The following ADAM22 variants were observed in gnomAD, a reference collection of about 807,000 sequenced individuals.
ADAM22 encodes the protein disintegrin and metalloproteinase domain-containing protein 22.
Under a neutral mutation model 144.6 loss-of-function variants are expected in ADAM22, and 65 were observed. The observed-to-expected ratio is 0.45, with a 90% CI of 0.37 to 0.55. The LOEUF is 0.55. Among genes scored for constraint, ADAM22 ranks in the 20% least tolerant of loss-of-function variants. ADAM22 has a pLI of 0.00. For synonymous variants in ADAM22, 391 were observed against 412.6 expected, an observed-to-expected ratio of 0.95 and a Z score of 0.63; for missense variants, 974 against 1,184.9, an observed-to-expected ratio of 0.82 and a Z score of 2.61.
intron 3 of ADAM22, among the ~76,000 whole-genome samples, chr7:88,007,032 T>C (rs967593411): frequency 1.1e-4 from 16 of 152,138 alleles, no homozygotes; most frequent in South Asian, 2.1e-4. Flanking sequence ...TCTCCTTAAG[T>C]TGTTAAGCAA....
intron 25 of ADAM22, chr7:88,168,439 A>G (rs763901099): frequency 4.6e-5 from 27 of 592,606 alleles, no homozygotes; most frequent in South Asian, 4.0e-4. Flanking sequence ...CTTCTATTGT[A>G]AAAGAACTGA....
intron 28 of ADAM22, 41 bp from the exon 29 acceptor site, chr7:88,181,917 C>T: frequency 6.4e-7 from 1 of 1,573,060 alleles, no homozygotes; most frequent in East Asian, 2.2e-5. Context: ...AGGGCAATCA[C>T]TTATTTACAT....
At chr7:88,090,438 G>A (rs1819562844) in intron 4 of ADAM22, among the ~76,000 whole-genome samples, 1 of 152,124 alleles carries the variant, frequency 6.6e-6, no homozygotes, top group Admixed American at 6.6e-5. Flanking sequence ...TAGGTGACTT[G>A]CAAAAATTTA....
chr7:88,124,684 C>T (rs1187431737), intron 7 of ADAM22, among the ~76,000 whole-genome samples: 1 of 151,932 alleles, frequency 6.6e-6, no homozygotes, highest in African/African-American at 2.4e-5. Flanking sequence ...TATTCCCTTT[C>T]TCAACAAATC....
chr7:87,946,969 G>A (rs1016081029), intron 2 of ADAM22, among the ~76,000 whole-genome samples: 3 of 152,234 alleles, frequency 2.0e-5, no homozygotes, highest in Admixed American at 2.0e-4. Flanking sequence ...ACCAAATACT[G>A]TATATTCTCA....
chr7:87,993,920 G>A (rs767826085), intron 3 of ADAM22, among the ~76,000 whole-genome samples: 3 of 152,076 alleles, frequency 2.0e-5, no homozygotes, highest in Non-Finnish European at 4.4e-5. Flanking sequence ...TTGAGCCCAT[G>A]AATTCATATT....
chr7:88,155,058 A>T (rs1365671827), intron 21 of ADAM22, among the ~76,000 whole-genome samples: 1 of 152,178 alleles, frequency 6.6e-6, no homozygotes, highest in Non-Finnish European at 1.5e-5. Context: ...ATCATATGTA[A>T]TAGTTGGGGA....
chr7:88,130,271 A>AG, intron 9 of ADAM22, 117 bp from the exon 10 acceptor site: 1 of 700,352 alleles, frequency 1.4e-6, no homozygotes, highest in South Asian at 2.1e-5. Context: ...TTTACAGAAA[A>AG]GATTTTTTTT....
At chr7:88,011,743 C>A (rs1033240813) in intron 3 of ADAM22, among the ~76,000 whole-genome samples, 1 of 151,354 alleles carries the variant, frequency 6.6e-6, no homozygotes, top group Non-Finnish European at 1.5e-5. Flanking sequence ...CGCCCCCCAC[C>A]CCCCAACCTT....
At chr7:88,195,604 C>T (rs1422338159) in intron 31 of ADAM22, among the ~76,000 whole-genome samples, 1 of 152,178 alleles carries the variant, frequency 6.6e-6, no homozygotes, top group Non-Finnish European at 1.5e-5. Context: ...CAAGCTCCGC[C>T]TCCCGGGTTC....
In ADAM22 at chr7:87,935,103, C is replaced by A. The variant is rs372922125; in HGVS notation, c.163C>A (p.Leu55Ile). 2 of 1,614,030 alleles carry A rather than the reference C, an allele frequency of 1.2e-6. No homozygotes were observed. The highest frequency in any genetic ancestry group is 2.2e-5 in the South Asian group (2 of 91,076). Residue 55 changes from leucine (L) to isoleucine (I), a missense_variant, in exon 2 of 32, where the codon CTC (leucine) becomes ATC (isoleucine). Physicochemically the swap from Leu to Ile is conservative, Grantham distance 5. This residue lies in a region of ADAM22 where 240 missense variants were observed against 234.3 expected (regional missense o/e 1.02). Transcript: ENST00000413139. ...VERQSIVPLR[L>I]IYRSGGEDES... ...GCGCCAGAGCATCGTGCCACTGCGC[C>A]TCATCTACCGCTCGGGCGGCGAAGA...
At chr7:88,100,783 G>T (rs1019594797) in intron 4 of ADAM22, among the ~76,000 whole-genome samples, 18 of 152,034 alleles carry the variant, frequency 1.2e-4, no homozygotes, top group African/African-American at 4.1e-4. Context: ...CTAAAGTGGT[G>T]GGATTACAGG....
chr7:87,981,926 C>A (rs1370920601), intron 3 of ADAM22, among the ~76,000 whole-genome samples: 1 of 151,686 alleles, frequency 6.6e-6, no homozygotes, highest in Non-Finnish European at 1.5e-5. Context: ...AACTGAATGC[C>A]TTGCTGTTCA....
rs1448548382 is a variant in ADAM22, at chr7:88,199,341, G to A, written c.*2850G>A. 2 of 152,112 alleles carry A rather than the reference G, an allele frequency of 1.3e-5. No homozygotes were observed. The highest frequency in any genetic ancestry group is 2.9e-5 in the Non-Finnish European group (2 of 68,036). 9.4% of individuals were successfully genotyped at this position (152,112 alleles called of 1,614,324 possible). A position where few individuals can be genotyped will look rare whatever the true frequency, so the allele number is the denominator to read the frequency against. ...CTCTTCCAGTTTTATGCATTGATAA[G>A]ACTACAGATTGGCACCCTGCTGCCT... On this transcript the variant is annotated 3_prime_UTR_variant, in exon 32 of 32. Coordinates refer to ENST00000413139, the MANE Select transcript of ADAM22 (RefSeq NM_001324418.2).
intron 4 of ADAM22, among the ~76,000 whole-genome samples, chr7:88,107,198 CTT>C (rs561936408): frequency 0.014 from 1,053 of 76,628 alleles, 19 homozygotes; most frequent in African/African-American, 0.053. Context: ...GATTGAATTT[CTT>C]TTTTTTTTTT....
intron 3 of ADAM22, among the ~76,000 whole-genome samples, chr7:88,068,537 CAT>C (rs1811884385): frequency 6.6e-6 from 1 of 152,148 alleles, no homozygotes; most frequent in African/African-American, 2.4e-5. Context: ...CTAAGGAAAA[CAT>C]AGTAATTTGG....
rs1818621843 is a variant in ADAM22 at position 88,087,018 on chromosome 7, T to C, written c.390+11326T>C. Among the ~76,000 whole-genome samples the C allele has an allele frequency of 2.0e-5, 3 of 152,174 alleles. No individual in the cohort carries two copies. In the South Asian group the frequency reaches 6.2e-4, roughly 31 times the overall value. The stretch of plus-strand genomic sequence containing the variant: ...CAACCTGTAAATACAACTATTATCC[T>C]AATTTACAGAAACGAGACACAGAGA... On this transcript the variant is annotated intron_variant, in intron 4 of 31. Transcript: ENST00000413139.
chr7:88,069,720 A>G (rs1020713141), intron 3 of ADAM22, among the ~76,000 whole-genome samples: 1 of 152,068 alleles, frequency 6.6e-6, no homozygotes, highest in Non-Finnish European at 1.5e-5. Context: ...AAGGCTGCTT[A>G]GATGAGGTAG....
chr7:87,954,500 G>A (rs1846128051), intron 2 of ADAM22, among the ~76,000 whole-genome samples: 2 of 152,162 alleles, frequency 1.3e-5, no homozygotes, highest in South Asian at 4.1e-4. Flanking sequence ...TAGAGTTTCT[G>A]CTGAGAGATC....
Sources: gnomAD v4.1 joint callset for allele counts (sites outside exome capture counted in the v4.1 genomes callset) on GRCh38, gnomAD v4.1.1 for gene constraint, gnomAD v4.1.1 regional missense constraint, MANE v1.5 for transcripts, NCBI Gene and HGNC (gene_info 2026-07-23, HGNC 2026-07-21) for gene names.